Variants in COPB1 observed in about 807,000 individuals in gnomAD.
COPB1 encodes the protein coatomer subunit beta.
COPB1 carries 21 observed loss-of-function variants against 108.7 expected under a neutral mutation model. The ratio of observed to expected loss-of-function variants is 0.19; its 90% CI spans 0.14 to 0.28. The LOEUF (loss-of-function observed/expected upper bound fraction) is 0.28, where lower values mean the gene tolerates loss of function less well. Ranked by LOEUF, COPB1 falls within the 10% of genes least tolerant of loss-of-function variation. The pLI, the probability that COPB1 is intolerant of heterozygous loss-of-function variation, is 1.00. For synonymous variants in COPB1, 378 were observed against 386.8 expected (o/e 0.98, Z 0.27); for missense variants, 919 against 1,141.3 (o/e 0.81, Z 2.81).
Position 14,481,004 on chromosome 11 carries a change from T to C in COPB1, c.1051A>G (p.Arg351Gly), listed in dbSNP as rs748929406. Residue 351 changes from arginine (R) to glycine (G), a missense_variant, in exon 9 of 22, where the codon AGA becomes GGA. This residue lies in a region of COPB1 where 705 missense variants were observed against 817.8 expected (regional missense o/e 0.86). Transcript: ENST00000439561. ...LQLALDLVSS[R>G]NVEELVIVLK... ...TTTCCTTTTACCTCTTCAACATTTCTAGAAGAGACAAGATCCAGTGCTAAC... is the reference window on the plus strand; with the variant it reads ...TTTCCTTTTACCTCTTCAACATTTCCAGAAGAGACAAGATCCAGTGCTAAC... 65 of 1,613,794 alleles carry C rather than the reference T, an allele frequency of 4.0e-5. No homozygotes were observed. The highest frequency in any genetic ancestry group is 5.0e-5 in the Non-Finnish European group (59 of 1,179,882).
intron 2 of COPB1, among the ~76,000 whole-genome samples, chr11:14,496,954 G>C (rs1851034993): frequency 6.6e-6 from 1 of 152,162 alleles, no homozygotes; most frequent in Non-Finnish European, 1.5e-5. Flanking sequence ...AGAAAAGACA[G>C]TCCCTTCAAT....
intron 12 of COPB1, among the ~76,000 whole-genome samples, 158 bp downstream of exon 12, chr11:14,476,761 T>G (rs998713007): frequency 9.1e-6 from 1 of 110,302 alleles, no homozygotes; most frequent in Non-Finnish European, 1.8e-5. Context: ...AGCTACTGCT[T>G]CTTTTTTTTT....
chr11:14,462,385 A>G (rs931142810), intron 18 of COPB1, among the ~76,000 whole-genome samples: 3 of 151,932 alleles, frequency 2.0e-5, no homozygotes, highest in African/African-American at 7.3e-5. Flanking sequence ...GGCGCCTGCC[A>G]CCGCGCCTGG....
Position 14,497,494 on chromosome 11 carries a change from C to A in COPB1, c.91+1344G>T, listed in dbSNP as rs569193172. Among the ~76,000 whole-genome samples the A allele has an allele frequency of 4.6e-5, 7 of 152,246 alleles. No individual in the cohort carries two copies. In the South Asian group the frequency reaches 1.4e-3, roughly 32 times the overall value. ...GCATATCAAAACTACAATGAGATAT[C>A]ATCTCACCCCAGTTAAAATGGCTTT... On this transcript the variant is annotated intron_variant, in intron 2 of 21. Transcript: ENST00000439561.
intron 14 of COPB1, among the ~76,000 whole-genome samples, chr11:14,471,677 G>A (rs1850405250): frequency 6.6e-6 from 1 of 152,126 alleles, no homozygotes; most frequent in African/African-American, 2.4e-5. Context: ...CAGCACTTTG[G>A]GAGGCCGAGG....
In COPB1 at chr11:14,469,326, T is replaced by C. The variant is rs781769330; in HGVS notation, c.1965+10A>G. 15 of 1,609,230 alleles carry C rather than the reference T, an allele frequency of 9.3e-6. No homozygotes were observed. The highest frequency in any genetic ancestry group is 2.2e-5 in the East Asian group (1 of 44,856). The stretch of plus-strand genomic sequence containing the variant: ...AAAACACTTTTGTTGCCTCATCATA[T>C]ATACCTTACCTTTTGGGATAATTTC... On this transcript the variant is annotated intron_variant, in intron 15 of 21. Coordinates refer to ENST00000439561, the MANE Select transcript of COPB1 (RefSeq NM_001144061.2).
intron 2 of COPB1, among the ~76,000 whole-genome samples, chr11:14,497,668 G>A (rs1195373153): frequency 2.0e-5 from 3 of 152,164 alleles, no homozygotes; most frequent in Non-Finnish European, 2.9e-5. Flanking sequence ...GGTACCATAC[G>A]ATTCAGCAAT....
At chr11:14,462,322 C>G (rs1850175315) in intron 18 of COPB1, among the ~76,000 whole-genome samples, 1 of 151,688 alleles carries the variant, frequency 6.6e-6, no homozygotes, top group South Asian at 2.1e-4. Context: ...AACCTCCACC[C>G]TTCGGGTTCA....
rs1356033929 is a variant in COPB1, at chr11:14,474,527, C to A, written c.1705G>T (p.Val569Leu). 6.2e-7 allele frequency: 1 copy of A among 1,613,838 alleles called. No individual in the cohort carries two copies. ...TTLTKIALRYVALVQEKKKQN... is the reference protein window; with the variant it reads ...TTLTKIALRYLALVQEKKKQN... ...TTTTTCTTCTCCTGAACCAAAGCTA[C>A]ATAGCGCAATGCAATCTTGGTCAGA... is the stretch of plus-strand genomic sequence containing the variant. Residue 569 changes from valine (V) to leucine (L), a missense_variant, in exon 14 of 22, where the codon GTA (valine) becomes TTA (leucine). Val to Leu is a conservative substitution (Grantham distance 32). Around this residue, in one of 5 missense-constraint regions of COPB1, gnomAD observed 705 missense variants for 817.8 expected, o/e 0.86. Coordinates refer to ENST00000439561, the MANE Select transcript of COPB1 (RefSeq NM_001144061.2).
At chr11:14,471,039 GA>G (rs1260635668) in intron 14 of COPB1, among the ~76,000 whole-genome samples, 16 of 147,702 alleles carry the variant, frequency 1.1e-4, no homozygotes, top group African/African-American at 4.0e-4. Context: ...ACACTACTGG[GA>G]AAAAAAAACA....
intron 5 of COPB1, 24 bp from the exon 6 acceptor site, chr11:14,488,608 A>G: frequency 6.7e-7 from 1 of 1,489,222 alleles, no homozygotes; most frequent in Non-Finnish European, 9.3e-7. Flanking sequence ...GAATATATTT[A>G]TCATTCTCCA....
chr11:14,466,258 T>C, intron 17 of COPB1, 24 bp downstream of exon 17: 1 of 1,610,434 alleles, frequency 6.2e-7, no homozygotes, highest in Non-Finnish European at 8.5e-7. Flanking sequence ...GACAATCTCT[T>C]TCCTGAATGG....
At position 14,490,612 on chromosome 11, in the gene COPB1, C is replaced by T; in HGVS notation, c.559G>A (p.Ala187Thr). The change falls in exon 5 of 22, where the codon GCA becomes ACA. Residue 187 changes from alanine (A) to threonine (T), a missense_variant. Around this residue, in one of 5 missense-constraint regions of COPB1, gnomAD observed 78 missense variants for 95.4 expected, o/e 0.82. Transcript: ENST00000439561. Reference protein sequence around the residue: ...IHDFLVNEKDASCKRNAFMML... With the variant: ...IHDFLVNEKDTSCKRNAFMML... ...ATAAATGCATTCCTTTTGCAACTTG[C>T]ATCCTTCTCATTCACCAGAAAATCA... The T allele has an allele frequency of 6.2e-7, 1 of 1,613,302 alleles. No individual in the cohort carries two copies. Among genetic ancestry groups the T allele is most frequent in the Non-Finnish European group, 8.5e-7 (1 of 1,179,720 alleles).
chr11:14,482,211 T>A (rs1850675385), intron 8 of COPB1, among the ~76,000 whole-genome samples: 1 of 152,198 alleles, frequency 6.6e-6, no homozygotes, highest in African/African-American at 2.4e-5. Context: ...TATTAACTAA[T>A]ATACACACCA....
chr11:14,481,475 A>T (rs1850657367), intron 8 of COPB1, among the ~76,000 whole-genome samples: 1 of 152,118 alleles, frequency 6.6e-6, no homozygotes, highest in South Asian at 2.1e-4. Context: ...TCAGTGTCAT[A>T]AAAAAAAGAT....
At chr11:14,479,828 G>T (rs1850622483) in intron 10 of COPB1, 114 bp from the exon 11 acceptor site, 8 of 1,095,812 alleles carry the variant, frequency 7.3e-6, no homozygotes, top group Non-Finnish European at 1.0e-5. Flanking sequence ...CTAAGAGACA[G>T]GGTCTTGCTT....
intron 18 of COPB1, among the ~76,000 whole-genome samples, chr11:14,462,646 T>A (rs2575828): frequency 1.3e-5 from 2 of 152,050 alleles, no homozygotes; most frequent in South Asian, 2.1e-4. Flanking sequence ...CTCTCTCTCT[T>A]GGAATTCACT....
rs1479082736 is a variant in COPB1, at chr11:14,458,682, A to C, written c.2652T>G (p.Leu884=). ...NMKCLTPEKA[L]SGYCGFMAAN... ...CTGCCATAAAGCCACAGTAACCAGA[A>C]AGGGCCTGGAAAAAATTTGTGATAA... The change falls in exon 21 of 22, where the codon CTT becomes CTG. Residue 884 remains leucine (L), a synonymous_variant. Coordinates refer to ENST00000439561, the MANE Select transcript of COPB1 (RefSeq NM_001144061.2). 6.2e-7 allele frequency: 1 copy of C among 1,608,076 alleles called. No individual in the cohort carries two copies. Among genetic ancestry groups the C allele is most frequent in the East Asian group, 2.2e-5 (1 of 44,788 alleles).
intron 7 of COPB1, 40 bp from the exon 8 acceptor site, chr11:14,483,191 C>A: frequency 6.9e-7 from 1 of 1,438,902 alleles, no homozygotes; most frequent in Non-Finnish European, 9.4e-7. Flanking sequence ...AGTTATTCAT[C>A]TATCATAAAA....
Sources: allele counts gnomAD v4.1 joint callset (sites outside exome capture counted in the v4.1 genomes callset), GRCh38; gene constraint gnomAD v4.1.1; regional missense constraint gnomAD v4.1.1; transcripts MANE v1.5; gene names NCBI Gene and HGNC (gene_info 2026-07-23, HGNC 2026-07-21).